Variants in TAAR5 observed in about 807,000 individuals in gnomAD.
TAAR5 encodes the protein trace amine associated receptor 5.
In TAAR5, 27 loss-of-function variants were observed where a neutral mutation model predicts 21.1. That is an observed-to-expected ratio of 1.28 (90% CI 0.94 to 1.76). TAAR5 has a LOEUF of 1.76. Ranked by LOEUF, TAAR5 falls within the 40% of genes most tolerant of loss-of-function variation. The pLI, the probability that TAAR5 is intolerant of heterozygous loss-of-function variation, is 0.00. For missense variants in TAAR5, 495 were observed against 405.6 expected, an observed-to-expected ratio of 1.22 and a Z score of -1.89; for synonymous variants, 203 against 167.5, an observed-to-expected ratio of 1.21 and a Z score of -1.64.
At chr6:132,602,734 A>G in the TAAR5 span, among the ~76,000 whole-genome samples, 1 of 149,482 alleles carries the variant, frequency 6.7e-6, no homozygotes, top group Non-Finnish European at 1.5e-5. Flanking sequence ...ATGTACAAGT[A>G]AAAACACTTT....
the TAAR5 span, among the ~76,000 whole-genome samples, chr6:132,613,079 A>T: frequency 1.3e-5 from 2 of 152,218 alleles, no homozygotes; most frequent in Non-Finnish European, 2.9e-5. Context: ...GGGAAAATTC[A>T]TATACTTTCA....
At chr6:132,590,780 G>A (rs1288329374), upstream of TAAR5, among the ~76,000 whole-genome samples, 5 of 152,114 alleles carry the variant, frequency 3.3e-5, no homozygotes, top group Admixed American at 6.6e-5. Flanking sequence ...ATTTAAAGAC[G>A]GTGGATGTAT....
chr6:132,598,844 G>A, the TAAR5 span, among the ~76,000 whole-genome samples: 2 of 152,146 alleles, frequency 1.3e-5, no homozygotes, highest in Non-Finnish European at 2.9e-5. Flanking sequence ...GAAAAAGAGG[G>A]AAGGAAGGGA....
the TAAR5 span, among the ~76,000 whole-genome samples, chr6:132,604,731 C>A: frequency 6.6e-6 from 1 of 152,146 alleles, no homozygotes; most frequent in Non-Finnish European, 1.5e-5. Flanking sequence ...GAAAAGCTAT[C>A]TTTATCAGGT....
At chr6:132,604,636 C>T in the TAAR5 span, among the ~76,000 whole-genome samples, 6 of 152,070 alleles carry the variant, frequency 3.9e-5, no homozygotes, top group East Asian at 1.9e-4. Flanking sequence ...AGAGATTCGA[C>T]GTGCAAGGAC....
chr6:132,598,601 G>A, the TAAR5 span, among the ~76,000 whole-genome samples: 10 of 152,172 alleles, frequency 6.6e-5, no homozygotes, highest in Non-Finnish European at 1.2e-4. Flanking sequence ...CTCCTAGCAG[G>A]CTGTGCTGCT....
Position 132,588,903 on chromosome 6 carries a change from G to T in TAAR5, c.784C>A (p.Leu262Ile). The T allele has an allele frequency of 6.2e-7, 1 of 1,614,110 alleles. No homozygotes were observed. The highest frequency in any genetic ancestry group is 8.5e-7 in the Non-Finnish European group (1 of 1,180,004). The part of the protein sequence containing the change: ...KTLGIAVGIY[L>I]LCWLPFTIDT... The stretch of plus-strand genomic sequence containing the variant: ...ATGGTGAAGGGCAGCCAGCACAAGA[G>T]GTATATGCCCACAGCAATGCCCAGG... Residue 262 changes from leucine to isoleucine, a missense_variant, in exon 1 of 1, where the codon CTC (leucine) becomes ATC (isoleucine). Leu to Ile is a conservative substitution (Grantham distance 5). Coordinates refer to ENST00000258034, the MANE Select transcript of TAAR5 (RefSeq NM_003967.3).
the TAAR5 span, among the ~76,000 whole-genome samples, chr6:132,596,561 G>A: frequency 6.6e-6 from 1 of 152,118 alleles, no homozygotes; most frequent in Non-Finnish European, 1.5e-5. Flanking sequence ...CAATAGCTTA[G>A]CAATGATCTC....
At position 132,588,960 on chromosome 6, in the gene TAAR5, C is replaced by T; in HGVS notation, c.727G>A (p.Ala243Thr). The T allele has an allele frequency of 1.2e-6, 2 of 1,614,068 alleles. No individual in the cohort carries two copies. Among genetic ancestry groups the T allele is most frequent in the Non-Finnish European group, 1.7e-6 (2 of 1,179,988 alleles). ...GCAGCTTTTCTCTCATGCTTGGCAG[C>T]CCCAGCCAGGCTTTTGCTCAATGTG... ...ITTLSKSLAG[A>T]AKHERKAAKT... The change falls in exon 1 of 1, where the codon GCT becomes ACT. Residue 243 changes from alanine to threonine, a missense_variant. Transcript: ENST00000258034.
the TAAR5 span, among the ~76,000 whole-genome samples, chr6:132,601,100 G>A: frequency 2.2e-5 from 3 of 138,186 alleles, no homozygotes. Context: ...AGGGAGGGAA[G>A]GAGGGAAGAA....
At chr6:132,589,780 G>A (rs891388620), upstream of TAAR5, 19 of 789,630 alleles carry the variant, frequency 2.4e-5, no homozygotes, top group East Asian at 4.2e-4. Context: ...AAAAAAATAT[G>A]TCTGCTAAAT....
the TAAR5 span, among the ~76,000 whole-genome samples, chr6:132,604,183 C>T: frequency 7.4e-6 from 1 of 135,810 alleles, no homozygotes. Context: ...CTCTCTCAGT[C>T]GCCAGGCTAG....
At chr6:132,605,626 A>G in the TAAR5 span, among the ~76,000 whole-genome samples, 1 of 152,122 alleles carries the variant, frequency 6.6e-6, no homozygotes, top group Non-Finnish European at 1.5e-5. Flanking sequence ...ACACACATAC[A>G]CACACAAACA....
At chr6:132,600,072 G>T in the TAAR5 span, among the ~76,000 whole-genome samples, 2 of 152,158 alleles carry the variant, frequency 1.3e-5, no homozygotes, top group Non-Finnish European at 2.9e-5. Context: ...GAAAGAAGTA[G>T]TGGTTGAATT....
upstream of TAAR5, among the ~76,000 whole-genome samples, chr6:132,593,803 C>A (rs886870458): frequency 2.0e-5 from 3 of 152,096 alleles, no homozygotes; most frequent in East Asian, 5.8e-4. Flanking sequence ...TAAGACAGTC[C>A]AATTTTATCA....
rs200034007 is a variant in TAAR5 at position 132,588,767 on chromosome 6, A to T, written c.920T>A (p.Phe307Tyr). 3.1e-5 allele frequency: 50 copies of T among 1,613,998 alleles called. No homozygotes were observed. Among genetic ancestry groups the T allele is most frequent in the Non-Finnish European group, 4.2e-5 (50 of 1,180,002 alleles). The change falls in exon 1 of 1, where the codon TTT becomes TAT. Residue 307 changes from phenylalanine (F) to tyrosine (Y), a missense_variant. Physicochemically the swap from Phe to Tyr is conservative, Grantham distance 22 (BLOSUM62 3). Transcript: ENST00000258034. ...TGCCTTCCGAAACCACTGGTAGGAA[A>T]AGACATAGATGATGGGGTTGCAGGC... ...NSACNPIIYVFSYQWFRKALK... is the reference protein window; with the variant it reads ...NSACNPIIYVYSYQWFRKALK...
At chr6:132,610,505 C>T in the TAAR5 span, among the ~76,000 whole-genome samples, 56 of 152,290 alleles carry the variant, frequency 3.7e-4, no homozygotes, top group South Asian at 6.2e-4. Flanking sequence ...AGAGCAAAAA[C>T]TGGCCCCTTC....
At chr6:132,612,047 C>T in the TAAR5 span, among the ~76,000 whole-genome samples, 1 of 152,084 alleles carries the variant, frequency 6.6e-6, no homozygotes, top group African/African-American at 2.4e-5. Context: ...TATAGGTAGT[C>T]CTCCACTCAT....
chr6:132,596,125 A>G, the TAAR5 span, among the ~76,000 whole-genome samples: 2 of 152,232 alleles, frequency 1.3e-5, no homozygotes, highest in Non-Finnish European at 2.9e-5. Flanking sequence ...AACAGATTCT[A>G]TAAATCTGTG....
Sources: allele counts gnomAD v4.1 joint callset (sites outside exome capture counted in the v4.1 genomes callset), GRCh38; gene constraint gnomAD v4.1.1; transcripts MANE v1.5; gene names NCBI Gene and HGNC (gene_info 2026-07-23, HGNC 2026-07-21).